The following SYT11 variants were observed in gnomAD, a reference collection of about 807,000 sequenced individuals.
SYT11 encodes synaptotagmin-11.
In SYT11, 12 loss-of-function variants were observed where a neutral mutation model predicts 30.4. That is an observed-to-expected ratio of 0.39 (90% CI 0.25 to 0.64). SYT11 has a LOEUF of 0.64. SYT11 is among the 30% of genes least tolerant of loss of function. The probability of loss-of-function intolerance (pLI) is 0.45; values close to 1 mark genes in which losing one functional copy is unlikely to be tolerated. For missense variants in SYT11, 412 were observed against 552.0 expected (o/e 0.75, Z 2.54); for synonymous variants, 204 against 216.0 (o/e 0.94, Z 0.49).
At chr1:155,864,067 A>G (rs1362440975) in intron 1 of SYT11, among the ~76,000 whole-genome samples, 1 of 152,186 alleles carries the variant, frequency 6.6e-6, no homozygotes, top group South Asian at 2.1e-4. Context: ...CCTGAGTGAC[A>G]TGGTGAAATT....
chr1:155,874,860 A>G (rs557271920), intron 2 of SYT11, among the ~76,000 whole-genome samples: 1 of 150,284 alleles, frequency 6.7e-6, no homozygotes, highest in South Asian at 2.1e-4. Flanking sequence ...ACTGCACTCC[A>G]GCCTGGGTGA....
rs729022 is a variant in SYT11 at position 155,882,332 on chromosome 1, C to T, written c.*824C>T. 0.52 allele frequency: 78,630 copies of T among 152,172 alleles called. 23,369 individuals carry two copies. The highest frequency in any genetic ancestry group is 0.67 in the Non-Finnish European group (45,622 of 67,986). 9.4% of individuals were successfully genotyped at this position (152,172 alleles called of 1,614,324 possible). On this transcript the variant is annotated 3_prime_UTR_variant, in exon 4 of 4. Coordinates refer to ENST00000368324, the MANE Select transcript of SYT11 (RefSeq NM_152280.5). ...TAAAACCTCATGTTTTCATCATTCCCATCTTTTCTTTTTATTGCCTCTTAT... is the reference window on the plus strand; with the variant it reads ...TAAAACCTCATGTTTTCATCATTCCTATCTTTTCTTTTTATTGCCTCTTAT...
chr1:155,881,343 C>T lies in SYT11; in HGVS notation c.1131C>T (p.Ile377=), dbSNP rs770166269. The change falls in exon 4 of 4, where the codon ATC becomes ATT. Residue 377 remains isoleucine (I), a synonymous_variant. Coordinates refer to ENST00000368324, the MANE Select transcript of SYT11 (RefSeq NM_152280.5). The stretch of plus-strand genomic sequence containing the variant: ...CTGACCTCCTGCCTGATATCAGCAT[C>T]GAGTTCCTCGTTATCGACTTCGATC... ...IPTDLLPDIS[I]EFLVIDFDRT... 9.9e-6 allele frequency: 16 copies of T among 1,614,040 alleles called. No homozygotes were observed. The East Asian group carries it at 1.1e-4, about 11-fold the overall frequency.
At chr1:155,877,770 A>T (rs1672891566) in intron 2 of SYT11, among the ~76,000 whole-genome samples, 1 of 151,762 alleles carries the variant, frequency 6.6e-6, no homozygotes, top group East Asian at 1.9e-4. Context: ...GTTAGCCAGG[A>T]TGGTCTCGAT....
Position 155,881,637 on chromosome 1 carries a change from C to A in SYT11, c.*129C>A. 1 of 822,178 alleles carries A rather than the reference C, an allele frequency of 1.2e-6. No homozygotes were observed. The highest frequency in any genetic ancestry group is 1.9e-6 in the Non-Finnish European group (1 of 529,160). The allele number at this position is 822,178 out of a possible 1,614,324, so 50.9% of individuals were successfully genotyped here. On this transcript the variant is annotated 3_prime_UTR_variant, in exon 4 of 4. Transcript: ENST00000368324. The stretch of plus-strand genomic sequence containing the variant: ...AAGAAAATTTCTTACAAAACAAATT[C>A]CACAAAGAACACCCTATATGACCAC...
Position 155,867,982 on chromosome 1 carries a change from G to A in SYT11, c.52G>A (p.Ala18Thr). Reference protein sequence around the residue: ...RPSFDVSPVVAGLIGASVLVV... With the variant: ...RPSFDVSPVVTGLIGASVLVV... Reference sequence around the variant, plus strand: ...GCCTTCAGATGTGTCACCGGTGGTGGCCGGCCTCATCGGGGCCTCTGTGCT... The same window carrying A: ...GCCTTCAGATGTGTCACCGGTGGTGACCGGCCTCATCGGGGCCTCTGTGCT... The change falls in exon 2 of 4, where the codon GCC becomes ACC. Residue 18 changes from alanine (A) to threonine (T), a missense_variant. Physicochemically the swap from Ala to Thr is moderately conservative, Grantham distance 58. Transcript: ENST00000368324. 2 of 1,610,286 alleles carry A rather than the reference G, an allele frequency of 1.2e-6. No homozygotes were observed. The highest frequency in any genetic ancestry group is 2.2e-5 in the East Asian group (1 of 44,868).
At chr1:155,879,204 G>A (rs1323884560) in intron 2 of SYT11, among the ~76,000 whole-genome samples, 1 of 152,008 alleles carries the variant, frequency 6.6e-6, no homozygotes, top group Non-Finnish European at 1.5e-5. Context: ...ATCACTTGAG[G>A]TCAGGAGTTC....
At chr1:155,870,012 C>G (rs1340517328) in intron 2 of SYT11, among the ~76,000 whole-genome samples, 4 of 152,174 alleles carry the variant, frequency 2.6e-5, no homozygotes, top group African/African-American at 9.7e-5. Flanking sequence ...GTCTTCCTTA[C>G]AGAGAATCAA....
chr1:155,883,950 T>C lies in SYT11; in HGVS notation c.*2442T>C, dbSNP rs538887826. On this transcript the variant is annotated 3_prime_UTR_variant, in exon 4 of 4. Transcript: ENST00000368324. ...ATCTGACTCACAACTTCACCATCAG[T>C]TGGGGTCATACCACTAGTCTCTGTC... 57 of 152,448 alleles carry C rather than the reference T, an allele frequency of 3.7e-4. No homozygotes were observed. Among genetic ancestry groups the C allele is most frequent in the Admixed American group, 3.1e-3 (48 of 15,280 alleles). 9.4% of individuals were successfully genotyped at this position (152,448 alleles called of 1,614,324 possible).
chr1:155,872,371 A>G (rs1345790063), intron 2 of SYT11, among the ~76,000 whole-genome samples: 2 of 152,216 alleles, frequency 1.3e-5, no homozygotes, highest in African/African-American at 2.4e-5. Flanking sequence ...TGAGCTTATG[A>G]TGGTCCACCT....
At chr1:155,861,032 C>T (rs754970417) in intron 1 of SYT11, among the ~76,000 whole-genome samples, 1 of 152,130 alleles carries the variant, frequency 6.6e-6, no homozygotes, top group African/African-American at 2.4e-5. Flanking sequence ...AGGGTGGAGA[C>T]ACAATCCAGC....
At chr1:155,864,330 A>G (rs1672635572) in intron 1 of SYT11, among the ~76,000 whole-genome samples, 1 of 152,246 alleles carries the variant, frequency 6.6e-6, no homozygotes, top group African/African-American at 2.4e-5. Context: ...CAATTTTATT[A>G]TTGTCACTGC....
At position 155,868,283 on chromosome 1, in the gene SYT11, G is replaced by A; in HGVS notation, c.353G>A (p.Cys118Tyr). The change falls in exon 2 of 4, where the codon TGT (cysteine) becomes TAT (tyrosine). Residue 118 changes from cysteine to tyrosine, a missense_variant. Physicochemically the swap from Cys to Tyr is radical, Grantham distance 194. Transcript: ENST00000368324. The surrounding 1 kb of genome is among the most constrained non-coding windows in gnomAD (Gnocchi z 4.7). The part of the protein sequence containing the change: ...KDPRGPSSGS[C>Y]IDQLPIKMDY... Reference sequence around the variant, plus strand: ...CCCAGGGGGCCTAGCTCTGGATCTTGTATAGACCAATTACCCATCAAAATG... The same window carrying A: ...CCCAGGGGGCCTAGCTCTGGATCTTATATAGACCAATTACCCATCAAAATG... 6.2e-7 allele frequency: 1 copy of A among 1,614,096 alleles called. No homozygotes were observed. Among genetic ancestry groups the A allele is most frequent in the Non-Finnish European group, 8.5e-7 (1 of 1,180,006 alleles).
At chr1:155,863,049 A>T (rs1466526716) in intron 1 of SYT11, among the ~76,000 whole-genome samples, 1 of 152,208 alleles carries the variant, frequency 6.6e-6, no homozygotes, top group East Asian at 1.9e-4. Context: ...AACTTTCCCT[A>T]AAAGCTATTT....
At chr1:155,871,758 C>G (rs1206687356) in intron 2 of SYT11, among the ~76,000 whole-genome samples, 1 of 152,206 alleles carries the variant, frequency 6.6e-6, no homozygotes, top group African/African-American at 2.4e-5. Context: ...CACCCTAGAG[C>G]CTTCCAGCCT....
chr1:155,861,553 A>G (rs541370483), intron 1 of SYT11, among the ~76,000 whole-genome samples: 22 of 152,260 alleles, frequency 1.4e-4, no homozygotes, highest in Non-Finnish European at 2.1e-4. Flanking sequence ...AGACAAGGAA[A>G]CCAAAGCTCA....
At chr1:155,862,104 A>G (rs1042625108) in intron 1 of SYT11, among the ~76,000 whole-genome samples, 3 of 152,242 alleles carry the variant, frequency 2.0e-5, no homozygotes, top group African/African-American at 7.2e-5. Flanking sequence ...TTAAACCATT[A>G]CAGAGGATCT....
Position 155,868,179 on chromosome 1 carries a change from T to C in SYT11, c.249T>C (p.Asp83=), listed in dbSNP as rs757661758. The change falls in exon 2 of 4, where the codon GAT becomes GAC. Residue 83 remains aspartate, a synonymous_variant. Coordinates refer to ENST00000368324, the MANE Select transcript of SYT11 (RefSeq NM_152280.5). This position sits in a 1 kb window ranked among gnomAD's most constrained non-coding sequence, Gnocchi z 4.7. Reference sequence around the variant, plus strand: ...TCATCAAAGTGCGGAGAGACAAAGATGGTCCTGGGAGGGAAGGTGGACGTA... The same window carrying C: ...TCATCAAAGTGCGGAGAGACAAAGACGGTCCTGGGAGGGAAGGTGGACGTA... ...KKIIKVRRDK[D]GPGREGGRRN... is the part of the protein sequence containing the mutation. The C allele has an allele frequency of 9.3e-6, 15 of 1,613,924 alleles. No homozygotes were observed. Among genetic ancestry groups the C allele is most frequent in the Non-Finnish European group, 1.3e-5 (15 of 1,180,004 alleles).
chr1:155,878,329 C>G (rs1320300572), intron 2 of SYT11, among the ~76,000 whole-genome samples: 3 of 152,156 alleles, frequency 2.0e-5, no homozygotes, highest in African/African-American at 7.2e-5. Flanking sequence ...AGTGTCCCAA[C>G]AGCCCTTTAC....
Sources: allele counts gnomAD v4.1 joint callset (sites outside exome capture counted in the v4.1 genomes callset), GRCh38; gene constraint gnomAD v4.1.1; non-coding constraint Gnocchi (gnomAD v3.1); transcripts MANE v1.5; gene names NCBI Gene and HGNC (gene_info 2026-07-23, HGNC 2026-07-21).